Variants in SRPX2 observed in about 807,000 individuals in gnomAD.
The protein encoded by SRPX2 is sushi repeat containing protein X-linked 2.
In SRPX2, 26 loss-of-function variants were observed where a neutral mutation model predicts 45.3. That is an observed-to-expected ratio of 0.57 (90% CI 0.42 to 0.80). The LOEUF (loss-of-function observed/expected upper bound fraction) is 0.80. Ranked by LOEUF, SRPX2 falls within the 30% of genes least tolerant of loss-of-function variation. SRPX2 has a pLI of 0.00. For missense variants in SRPX2, 355 were observed against 399.8 expected, an observed-to-expected ratio of 0.89 and a Z score of 0.95; for synonymous variants, 125 against 143.7, an observed-to-expected ratio of 0.87 and a Z score of 0.93.
chrX:100,646,949 C>G (rs1383313939), intron 2 of SRPX2, among the ~76,000 whole-genome samples: 1 of 111,797 alleles, frequency 8.9e-6, no homozygotes, highest in Non-Finnish European at 1.9e-5. Flanking sequence ...AGTGGCAATA[C>G]AGATCACATC....
In SRPX2 at chrX:100,671,357, C is replaced by T; in HGVS notation, c.*370C>T. The T allele has an allele frequency of 4.3e-6, 1 of 233,431 alleles. No individual in the cohort carries two copies. The highest frequency in any genetic ancestry group is 7.0e-5 in the South Asian group (1 of 14,223). The allele number at this position is 233,431 out of a possible 1,213,427, so 19.2% of individuals were successfully genotyped here. On this transcript the variant is annotated 3_prime_UTR_variant, in exon 11 of 11. Coordinates refer to ENST00000373004, the MANE Select transcript of SRPX2 (RefSeq NM_014467.3). ...GTGACAGCAGAGGGCAGCACGAGCA[C>T]AACAGAAACCAGCTTACACTTTAAG...
chrX:100,662,097 T>G, intron 3 of SRPX2, 79 bp from the exon 4 acceptor site: 1 of 1,034,835 alleles, frequency 9.7e-7, no homozygotes, highest in Non-Finnish European at 1.4e-6. Context: ...TTTTTTTCCA[T>G]TGACCTATTT....
At chrX:100,661,933 GTTTTTTTTTTTTT>G (rs771852530) in intron 3 of SRPX2, among the ~76,000 whole-genome samples, 2 of 59,709 alleles carry the variant, frequency 3.3e-5, no homozygotes, top group East Asian at 1.1e-3. Context: ...TCGAGGTGGG[GTTTTTTTTTTTTT>G]TTTTTTTTTT....
intron 2 of SRPX2, 41 bp downstream of exon 2, chrX:100,646,445 T>C (rs769674492): frequency 8.9e-7 from 1 of 1,126,590 alleles, no homozygotes; most frequent in Non-Finnish European, 1.2e-6. Flanking sequence ...CCAGGAAGGA[T>C]AGGTCCTAGA....
In SRPX2 at chrX:100,664,941, G is replaced by A; in HGVS notation, c.523G>A (p.Val175Ile). The stretch of plus-strand genomic sequence containing the variant: ...TGGGAGATGGAGTGGAGGCGAGCCT[G>A]TATGTGTAGGTAAATGCTGGTTGCT... ...EDGRWSGGEP[V>I]CVDIDPPKIR... Residue 175 changes from valine to isoleucine, a missense_variant, in exon 5 of 11, where the codon GTA becomes ATA. Transcript: ENST00000373004. 3.3e-6 allele frequency: 4 copies of A among 1,210,613 alleles called. No homozygotes were observed. Among genetic ancestry groups the A allele is most frequent in the South Asian group, 1.8e-5 (1 of 56,541 alleles).
chrX:100,662,016 CTTAA>C (rs2083189746), intron 3 of SRPX2, 156 bp from the exon 4 acceptor site: 1 of 325,966 alleles, frequency 3.1e-6, no homozygotes, highest in Non-Finnish European at 5.4e-6. Context: ...CTTTCTTCCA[CTTAA>C]TTGTTTTTGC....
At position 100,657,349 on chromosome X, in the gene SRPX2, CT is replaced by C. The variant is rs1163232018; in HGVS notation, c.164-4808del. 7.7e-3 allele frequency among the ~76,000 whole-genome samples: 219 copies of C among 28,388 alleles called. 12 individuals carry two copies. Among genetic ancestry groups the C allele is most frequent in the Non-Finnish European group, 0.011 (166 of 15,334 alleles). The allele number at this position is 28,388 out of a possible 115,157, so 24.7% of individuals were successfully genotyped here. On this transcript the variant is annotated intron_variant, in intron 3 of 10. Coordinates refer to ENST00000373004, the MANE Select transcript of SRPX2 (RefSeq NM_014467.3). ...CCTGGCCGGCATCTGTTATTTATGTCTTTTTTTTTTTTTTTTTTTGAGACAG... is the reference window on the plus strand; with the variant it reads ...CCTGGCCGGCATCTGTTATTTATGTCTTTTTTTTTTTTTTTTTTGAGACAG...
rs1169366085 is a variant in SRPX2 at position 100,673,994 on chromosome X, G to A, written c.*3007G>A. The stretch of plus-strand genomic sequence containing the variant: ...TGCTTGGGTTCTACCTAGAAATCAA[G>A]AGCCTTATTTCTGAGCTGGGTTACT... On this transcript the variant is annotated 3_prime_UTR_variant, in exon 11 of 11. Coordinates refer to ENST00000373004, the MANE Select transcript of SRPX2 (RefSeq NM_014467.3). The A allele has an allele frequency of 8.9e-6, 1 of 112,326 alleles. No individual in the cohort carries two copies. The highest frequency in any genetic ancestry group is 3.7e-4 in the South Asian group (1 of 2,689). The allele number at this position is 112,326 out of a possible 1,213,427, so 9.3% of individuals were successfully genotyped here.
chrX:100,661,186 C>T (rs765544710), intron 3 of SRPX2, among the ~76,000 whole-genome samples: 3 of 112,012 alleles, frequency 2.7e-5, no homozygotes, highest in Non-Finnish European at 5.6e-5. Context: ...GGATACCCTC[C>T]CTGATGGATA....
chrX:100,665,474 G>A (rs2083201622), intron 6 of SRPX2, 62 bp from the exon 7 acceptor site: 1 of 1,206,238 alleles, frequency 8.3e-7, no homozygotes, highest in Admixed American at 2.2e-5. Flanking sequence ...GTGGGGATGT[G>A]CCTCAGACTT....
At chrX:100,663,210 T>A (rs769941214) in intron 4 of SRPX2, among the ~76,000 whole-genome samples, 2 of 110,949 alleles carry the variant, frequency 1.8e-5, no homozygotes, top group South Asian at 8.0e-4. Context: ...CACACCCCTC[T>A]CGGTGACTGG....
intron 5 of SRPX2, 32 bp downstream of exon 5, chrX:100,664,982 G>T (rs973417774): frequency 8.4e-7 from 1 of 1,196,030 alleles, no homozygotes; most frequent in Non-Finnish European, 1.1e-6. Context: ...TTGTCCTGGT[G>T]CAAAGAGCCA....
Position 100,671,351 on chromosome X carries a change from C to T in SRPX2, c.*364C>T. ...CCTGAGGTGACAGCAGAGGGCAGCA[C>T]GAGCACAACAGAAACCAGCTTACAC... On this transcript the variant is annotated 3_prime_UTR_variant, in exon 11 of 11. Coordinates refer to ENST00000373004, the MANE Select transcript of SRPX2 (RefSeq NM_014467.3). The T allele has an allele frequency of 4.0e-6, 1 of 250,486 alleles. No individual in the cohort carries two copies. The highest frequency in any genetic ancestry group is 8.8e-5 in the East Asian group (1 of 11,416). The allele number at this position is 250,486 out of a possible 1,213,427, so 20.6% of individuals were successfully genotyped here. A position where few individuals can be genotyped will look rare whatever the true frequency, so the allele number is the denominator to read the frequency against.
At chrX:100,655,869 T>G (rs1480059175) in intron 3 of SRPX2, among the ~76,000 whole-genome samples, 5 of 101,348 alleles carry the variant, frequency 4.9e-5, no homozygotes, top group Non-Finnish European at 8.0e-5. Context: ...TTTTTTTTTT[T>G]TTTTTTTTTT....
chrX:100,669,381 G>A lies in SRPX2; in HGVS notation c.1217+12G>A, dbSNP rs199639389. The A allele has an allele frequency of 2.4e-4, 203 of 858,795 alleles. No homozygotes were observed. The East Asian group carries it at 0.015, about 63-fold the overall frequency. 70.8% of individuals were successfully genotyped at this position (858,795 alleles called of 1,213,427 possible). ...ATCGAGGAGCTCAGGTCCAGGCTGG[G>A]AGGCTGCCAAACTTGGGGGGAGGGG... On this transcript the variant is annotated intron_variant, in intron 10 of 10. Coordinates refer to ENST00000373004, the MANE Select transcript of SRPX2 (RefSeq NM_014467.3).
chrX:100,661,929 TG>T (rs2083188852), intron 3 of SRPX2, among the ~76,000 whole-genome samples: 1 of 87,943 alleles, frequency 1.1e-5, no homozygotes, highest in African/African-American at 4.5e-5. Context: ...TAGGTCGAGG[TG>T]GGGTTTTTTT....
chrX:100,661,933 GTTT>G (rs771852530), intron 3 of SRPX2, among the ~76,000 whole-genome samples: 4 of 59,697 alleles, frequency 6.7e-5, no homozygotes, highest in African/African-American at 1.4e-4. Flanking sequence ...TCGAGGTGGG[GTTT>G]TTTTTTTTTT....
rs2083223651 is a variant in SRPX2 at position 100,671,212 on chromosome X, G to C, written c.*225G>C. 4.6e-6 allele frequency: 2 copies of C among 437,753 alleles called. No homozygotes were observed. The highest frequency in any genetic ancestry group is 7.6e-5 in the Admixed American group (2 of 26,333). The allele number at this position is 437,753 out of a possible 1,213,427, so 36.1% of individuals were successfully genotyped here. Reference sequence around the variant, plus strand: ...AGGACAGGCCTTGGGCAGTGGGTTGGGGGTAGAAGTTCTTCCTTTCCTAAC... The same window carrying C: ...AGGACAGGCCTTGGGCAGTGGGTTGCGGGTAGAAGTTCTTCCTTTCCTAAC... On this transcript the variant is annotated 3_prime_UTR_variant, in exon 11 of 11. Transcript: ENST00000373004.
At position 100,644,276 on chromosome X, in the gene SRPX2, C is replaced by T. The variant is rs1174795028; in HGVS notation, c.-370C>T. The T allele has an allele frequency of 3.6e-5, 4 of 111,663 alleles. No individual in the cohort carries two copies. The highest frequency in any genetic ancestry group is 5.6e-5 in the Non-Finnish European group (3 of 53,217). The allele number at this position is 111,663 out of a possible 1,213,427, so 9.2% of individuals were successfully genotyped here. On this transcript the variant is annotated 5_prime_UTR_variant, in exon 1 of 11. Transcript: ENST00000373004. ...TCCTTCTCCCCCATCTTTCTAAAAC[C>T]CTTCTCTGAGAGAGGAATAACTATA...
Sources: gnomAD v4.1 joint callset for allele counts (sites outside exome capture counted in the v4.1 genomes callset) on GRCh38, gnomAD v4.1.1 for gene constraint, MANE v1.5 for transcripts, NCBI Gene and HGNC (gene_info 2026-07-23, HGNC 2026-07-21) for gene names.